GPC5: variants seen among roughly 807,000 people sequenced by gnomAD.
GPC5 encodes the protein glypican-5.
A neutral mutation model predicts 53.9 loss-of-function variants in GPC5; 47 were observed. The ratio of observed to expected loss-of-function variants is 0.87; its 90% confidence interval spans 0.69 to 1.11. The LOEUF is 1.11. Among genes scored for constraint, GPC5 ranks in the 50% most tolerant of loss-of-function variants. The pLI is 0.00. For missense variants in GPC5, 748 were observed against 713.1 expected, an observed-to-expected ratio of 1.05 and a Z score of -0.56; for synonymous variants, 286 against 263.3, an observed-to-expected ratio of 1.09 and a Z score of -0.84.
intron 7 of GPC5, among the ~76,000 whole-genome samples, chr13:92,410,053 A>G (rs1156456931): frequency 6.6e-6 from 1 of 152,212 alleles, no homozygotes; most frequent in Non-Finnish European, 1.5e-5. Flanking sequence ...ATTATTTGAT[A>G]TATCGCAATG....
chr13:91,659,276 A>T (rs1316674935), intron 2 of GPC5, among the ~76,000 whole-genome samples: 1 of 152,226 alleles, frequency 6.6e-6, no homozygotes, highest in Non-Finnish European at 1.5e-5. Context: ...GCAAGCCAAT[A>T]GGGAGCTTGG....
At chr13:92,345,115 A>C (rs2043399692) in intron 7 of GPC5, among the ~76,000 whole-genome samples, 1 of 152,196 alleles carries the variant, frequency 6.6e-6, no homozygotes, top group Non-Finnish European at 1.5e-5. Flanking sequence ...GTGCATGAGG[A>C]GTTACCAGAA....
intron 7 of GPC5, among the ~76,000 whole-genome samples, chr13:92,328,929 T>C (rs2043270527): frequency 6.6e-6 from 1 of 152,166 alleles, no homozygotes; most frequent in Non-Finnish European, 1.5e-5. Flanking sequence ...ATGTTGCTTT[T>C]CATTTCCTCC....
At chr13:92,270,163 C>A (rs2042830279) in intron 7 of GPC5, among the ~76,000 whole-genome samples, 1 of 152,032 alleles carries the variant, frequency 6.6e-6, no homozygotes, top group South Asian at 2.1e-4. Context: ...TTGTAGTGAG[C>A]AAATCATGTA....
chr13:92,021,187 T>C (rs2040754854), intron 6 of GPC5, among the ~76,000 whole-genome samples: 1 of 152,162 alleles, frequency 6.6e-6, no homozygotes, highest in South Asian at 2.1e-4. Context: ...TGAAGAGATA[T>C]TACCAGCATT....
At position 92,642,558 on chromosome 13, in the gene GPC5, A is replaced by G. The variant is rs560522785; in HGVS notation, c.1562-223724A>G. ...ATTGAAGAGGACGCCATCTCTGTCT[A>G]CTAAATCGTGTGAGGCCGTTACAAA... On this transcript the variant is annotated intron_variant, in intron 7 of 7. Coordinates refer to ENST00000377067, the MANE Select transcript of GPC5 (RefSeq NM_004466.6). Among the ~76,000 whole-genome samples the G allele has an allele frequency of 2.6e-5, 4 of 152,324 alleles. No individual in the cohort carries two copies. The South Asian group carries it at 6.2e-4, about 24-fold the overall frequency.
At chr13:91,972,975 G>A (rs2040258670) in intron 6 of GPC5, among the ~76,000 whole-genome samples, 2 of 152,088 alleles carry the variant, frequency 1.3e-5, no homozygotes, top group South Asian at 2.1e-4. Context: ...GAGTATCTTT[G>A]TGGCGTTCTC....
chr13:92,317,376 A>G (rs2139218243), intron 7 of GPC5, among the ~76,000 whole-genome samples: 1 of 152,334 alleles, frequency 6.6e-6, no homozygotes, highest in South Asian at 2.1e-4. Context: ...AAGTTATTCA[A>G]AGCTTTCTGG....
intron 5 of GPC5, among the ~76,000 whole-genome samples, chr13:91,851,070 T>C (rs1437361260): frequency 6.6e-6 from 1 of 152,052 alleles, no homozygotes; most frequent in East Asian, 1.9e-4. Flanking sequence ...CAAATGCACA[T>C]AAAAGGGCCT....
intron 7 of GPC5, among the ~76,000 whole-genome samples, chr13:92,731,633 T>A (rs185335171): frequency 2.0e-5 from 3 of 151,058 alleles, no homozygotes; most frequent in Non-Finnish European, 3.0e-5. Flanking sequence ...ATAGGAAAAA[T>A]TACTTAAATT....
intron 7 of GPC5, among the ~76,000 whole-genome samples, chr13:92,681,613 A>G (rs146447194): frequency 3.5e-4 from 53 of 151,950 alleles, no homozygotes; most frequent in Non-Finnish European, 6.0e-4. Context: ...TAAATTCTAA[A>G]CTCTTCAGTT....
At chr13:92,067,271 A>G (rs1051525626) in intron 6 of GPC5, among the ~76,000 whole-genome samples, 1 of 152,076 alleles carries the variant, frequency 6.6e-6, no homozygotes, top group Non-Finnish European at 1.5e-5. Context: ...TAAATTACTT[A>G]GAGTACTCTG....
At chr13:91,426,314 G>A (rs1879046690) in intron 1 of GPC5, among the ~76,000 whole-genome samples, 1 of 152,056 alleles carries the variant, frequency 6.6e-6, no homozygotes, top group Non-Finnish European at 1.5e-5. Flanking sequence ...TAGGGCCCAG[G>A]GCTCTGCTGC....
Position 92,815,209 on chromosome 13 carries a change from G to A in GPC5, c.1562-51073G>A, listed in dbSNP as rs189516315. Among the ~76,000 whole-genome samples the A allele has an allele frequency of 7.9e-5, 12 of 152,056 alleles. No homozygotes were observed. In the East Asian group the frequency reaches 1.4e-3, roughly 17 times the overall value. On this transcript the variant is annotated intron_variant, in intron 7 of 7. Coordinates refer to ENST00000377067, the MANE Select transcript of GPC5 (RefSeq NM_004466.6). ...CAGTAACTGCTATGAAAGCAATAGC[G>A]CAAGGAGGTAAAGGTGATGAGAATG...
At chr13:92,275,545 TAATAA>T (rs1248496407) in intron 7 of GPC5, among the ~76,000 whole-genome samples, 2 of 152,122 alleles carry the variant, frequency 1.3e-5, no homozygotes, top group African/African-American at 2.4e-5. Context: ...AGTAATTCTA[TAATAA>T]AATAAAACAC....
intron 7 of GPC5, among the ~76,000 whole-genome samples, chr13:92,321,918 T>A (rs1036569282): frequency 5.9e-5 from 9 of 152,136 alleles, no homozygotes; most frequent in Admixed American, 2.6e-4. Context: ...ATAAATATAA[T>A]AATAGCAAAA....
In GPC5 at chr13:91,528,316, T is replaced by A. The variant is rs554302386; in HGVS notation, c.325+79394T>A. Among the ~76,000 whole-genome samples, 3 of 152,298 alleles carry A rather than the reference T, an allele frequency of 2.0e-5. No individual in the cohort carries two copies. The South Asian group carries it at 6.2e-4, about 32-fold the overall frequency. On this transcript the variant is annotated intron_variant, in intron 2 of 7. Transcript: ENST00000377067. Reference sequence around the variant, plus strand: ...GCTTAGAAATTTCTTCTGCCAGATATCCTAAATTATCTTTCTCAAGTTCAA... The same window carrying A: ...GCTTAGAAATTTCTTCTGCCAGATAACCTAAATTATCTTTCTCAAGTTCAA...
chr13:92,549,999 A>G (rs1882258644), intron 7 of GPC5, among the ~76,000 whole-genome samples: 1 of 151,836 alleles, frequency 6.6e-6, no homozygotes, highest in Non-Finnish European at 1.5e-5. Context: ...CTATAATTCA[A>G]GTATACTGAA....
intron 5 of GPC5, among the ~76,000 whole-genome samples, chr13:91,841,396 G>T (rs989502600): frequency 6.6e-6 from 1 of 150,500 alleles, no homozygotes; most frequent in African/African-American, 2.4e-5. Context: ...GGCCAGCAAA[G>T]AGGTCTTTTG....
Sources: gnomAD v4.1 joint callset for allele counts (sites outside exome capture counted in the v4.1 genomes callset) on GRCh38, gnomAD v4.1.1 for gene constraint, MANE v1.5 for transcripts, NCBI Gene and HGNC (gene_info 2026-07-23, HGNC 2026-07-21) for gene names.